The following CYSLTR2 variants were observed in gnomAD, a reference collection of about 807,000 sequenced individuals.
The protein encoded by CYSLTR2 is G-protein coupled receptor GPCR21.
For synonymous variants in CYSLTR2, 179 were observed against 160.8 expected, an observed-to-expected ratio of 1.11 and a Z score of -0.86; for missense variants, 398 against 411.9, an observed-to-expected ratio of 0.97 and a Z score of 0.29.
intron 1 of CYSLTR2, among the ~76,000 whole-genome samples, chr13:48,658,463 C>G (rs1415088361): frequency 6.6e-6 from 1 of 152,206 alleles, no homozygotes; most frequent in African/African-American, 2.4e-5. Flanking sequence ...TGAGCACATT[C>G]ATGTGCTTCA....
chr13:48,667,907 G>C (rs2138837821), intron 1 of CYSLTR2, among the ~76,000 whole-genome samples: 1 of 152,250 alleles, frequency 6.6e-6, no homozygotes, highest in South Asian at 2.1e-4. Context: ...GCAACAGAGT[G>C]GTTAGATGAA....
intron 4 of CYSLTR2, among the ~76,000 whole-genome samples, chr13:48,705,421 T>C (rs1471464217): frequency 1.3e-5 from 2 of 152,038 alleles, no homozygotes; most frequent in African/African-American, 4.8e-5. Context: ...TAATTATTGA[T>C]GAATGAGGGA....
chr13:48,697,951 G>C (rs1954237627), intron 4 of CYSLTR2, among the ~76,000 whole-genome samples: 1 of 152,130 alleles, frequency 6.6e-6, no homozygotes, highest in Admixed American at 6.5e-5. Context: ...AATGAAGCAA[G>C]AAGAGAAGCA....
chr13:48,686,568 G>A (rs1176787815), intron 1 of CYSLTR2, among the ~76,000 whole-genome samples: 4 of 152,094 alleles, frequency 2.6e-5, no homozygotes, highest in African/African-American at 4.8e-5. Context: ...AATATGTCCC[G>A]CAAAATCTGT....
intron 1 of CYSLTR2, among the ~76,000 whole-genome samples, chr13:48,663,093 GGAGACT>G (rs1418416678): frequency 5.3e-5 from 8 of 151,982 alleles, no homozygotes; most frequent in African/African-American, 1.9e-4. Context: ...CATTTATTCA[GGAGACT>G]GTCTTTTCCC....
chr13:48,667,110 G>A lies in CYSLTR2; in HGVS notation c.-266+13093G>A, dbSNP rs181993914. 3.3e-3 allele frequency among the ~76,000 whole-genome samples: 501 copies of A among 152,288 alleles called. 2 individuals are homozygous for A. The highest frequency in any genetic ancestry group is 0.014 in the Middle Eastern group (4 of 294). ...GAGTATCAGTTCAGTGAGGTGAGCA[G>A]ACCTTGGTTCTACGTAGACATTTTA... is the stretch of plus-strand genomic sequence containing the variant. On this transcript the variant is annotated intron_variant, in intron 1 of 4. Transcript: ENST00000682523.
chr13:48,683,779 T>C (rs1373845206), intron 1 of CYSLTR2, among the ~76,000 whole-genome samples: 1 of 152,252 alleles, frequency 6.6e-6, no homozygotes, highest in African/African-American at 2.4e-5. Flanking sequence ...GCAATTGCTT[T>C]TGGCATTTTC....
chr13:48,667,364 G>A (rs566992352), intron 1 of CYSLTR2, among the ~76,000 whole-genome samples: 16 of 152,310 alleles, frequency 1.1e-4, no homozygotes, highest in Middle Eastern at 6.8e-3. Context: ...ATGTCAATGC[G>A]GTTGCTCAGT....
chr13:48,689,539 A>T (rs1216751238), intron 1 of CYSLTR2, among the ~76,000 whole-genome samples: 1 of 151,868 alleles, frequency 6.6e-6, no homozygotes, highest in Non-Finnish European at 1.5e-5. Context: ...GTTTTTGTCA[A>T]GTTGTCAAAG....
chr13:48,660,265 G>C (rs1008865697), intron 1 of CYSLTR2, among the ~76,000 whole-genome samples: 1 of 152,168 alleles, frequency 6.6e-6, no homozygotes, highest in Non-Finnish European at 1.5e-5. Context: ...CTTCTGCTAG[G>C]TTTCAATCCC....
At chr13:48,688,163 G>A (rs1953944248) in intron 1 of CYSLTR2, among the ~76,000 whole-genome samples, 1 of 152,164 alleles carries the variant, frequency 6.6e-6, no homozygotes, top group Non-Finnish European at 1.5e-5. Context: ...GCTAACAGTA[G>A]CCTCAACTTC....
intron 1 of CYSLTR2, among the ~76,000 whole-genome samples, chr13:48,683,983 A>G (rs1953829053): frequency 1.3e-5 from 2 of 152,206 alleles, no homozygotes; most frequent in Admixed American, 1.3e-4. Context: ...TAGTGGCATG[A>G]GCATACCTCA....
intron 1 of CYSLTR2, among the ~76,000 whole-genome samples, chr13:48,681,012 A>G (rs991996594): frequency 1.3e-4 from 20 of 151,798 alleles, no homozygotes; most frequent in Non-Finnish European, 2.1e-4. Context: ...GTTTGTATAT[A>G]TATTTTTTTC....
At chr13:48,681,714 G>A (rs1273667863) in intron 1 of CYSLTR2, among the ~76,000 whole-genome samples, 2 of 152,092 alleles carry the variant, frequency 1.3e-5, no homozygotes, top group Non-Finnish European at 2.9e-5. Context: ...TGTCCCTGAG[G>A]GCCTGCTACA....
chr13:48,666,437 ATC>A (rs1010824776), intron 1 of CYSLTR2, among the ~76,000 whole-genome samples: 1 of 152,108 alleles, frequency 6.6e-6, no homozygotes, highest in Non-Finnish European at 1.5e-5. Context: ...CTGGATGCCC[ATC>A]TCTCTCTCAA....
At chr13:48,681,381 G>A (rs1261934398) in intron 1 of CYSLTR2, among the ~76,000 whole-genome samples, 1 of 152,130 alleles carries the variant, frequency 6.6e-6, no homozygotes, top group East Asian at 1.9e-4. Flanking sequence ...TCAAGGCTTT[G>A]TCTAATTCAG....
chr13:48,701,724 C>T (rs1362528672), intron 4 of CYSLTR2, among the ~76,000 whole-genome samples: 1 of 152,172 alleles, frequency 6.6e-6, no homozygotes, highest in Non-Finnish European at 1.5e-5. Flanking sequence ...CCATCTCACA[C>T]CAGTTAGAAT....
At chr13:48,685,136 C>T (rs568106985) in intron 1 of CYSLTR2, among the ~76,000 whole-genome samples, 21 of 152,184 alleles carry the variant, frequency 1.4e-4, no homozygotes, top group African/African-American at 4.6e-4. Flanking sequence ...GGAAGCATGG[C>T]GGCATCTGCT....
At chr13:48,701,286 T>C (rs1035242018) in intron 4 of CYSLTR2, among the ~76,000 whole-genome samples, 1 of 152,082 alleles carries the variant, frequency 6.6e-6, no homozygotes, top group Non-Finnish European at 1.5e-5. Context: ...AAAACAGAGA[T>C]ATAGACCAAT....
Sources: gnomAD v4.1 joint callset for allele counts (sites outside exome capture counted in the v4.1 genomes callset) on GRCh38, gnomAD v4.1.1 for gene constraint, MANE v1.5 for transcripts, NCBI Gene and HGNC (gene_info 2026-07-23, HGNC 2026-07-21) for gene names.